MAN1C1: variants seen among roughly 807,000 people sequenced by gnomAD.
MAN1C1 encodes the protein mannosidase alpha class 1C member 1.
Under a neutral mutation model 71.5 loss-of-function variants are expected in MAN1C1, and 49 were observed. That is an observed-to-expected ratio of 0.69 (90% CI 0.54 to 0.87). The LOEUF (loss-of-function observed/expected upper bound fraction) is 0.87, where lower values mean the gene tolerates loss of function less well. Among genes scored for constraint, MAN1C1 ranks in the 40% least tolerant of loss-of-function variants. The pLI, the probability that MAN1C1 is intolerant of heterozygous loss-of-function variation, is 0.00. For synonymous variants in MAN1C1, 352 were observed against 343.7 expected, an observed-to-expected ratio of 1.02 and a Z score of -0.27; for missense variants, 743 against 835.0, an observed-to-expected ratio of 0.89 and a Z score of 1.36.
In MAN1C1 at chr1:25,746,656, C is replaced by T; in HGVS notation, c.638-12C>T. The T allele has an allele frequency of 6.3e-7, 1 of 1,594,862 alleles. No individual in the cohort carries two copies. The highest frequency in any genetic ancestry group is 8.6e-7 in the Non-Finnish European group (1 of 1,162,788). On this transcript the variant is annotated splice_polypyrimidine_tract_variant and intron_variant, in intron 2 of 11. Coordinates refer to ENST00000374332, the MANE Select transcript of MAN1C1 (RefSeq NM_020379.4). The surrounding 1 kb of genome is among the most constrained non-coding windows in gnomAD (Gnocchi z 4.0). ...GGCCCTGGGTCACACCCTCAATGCT[C>T]TGTGCCTGCAGGAGGCCTCAGCGGG...
intron 2 of MAN1C1, among the ~76,000 whole-genome samples, chr1:25,700,503 G>T (rs757058143): frequency 1.3e-5 from 2 of 152,206 alleles, no homozygotes; most frequent in Non-Finnish European, 2.9e-5. Context: ...TGGGAGCAGA[G>T]TTGGGCAGAG....
At chr1:25,723,108 A>G (rs1410124215) in intron 2 of MAN1C1, among the ~76,000 whole-genome samples, 1 of 152,156 alleles carries the variant, frequency 6.6e-6, no homozygotes, top group African/African-American at 2.4e-5. Flanking sequence ...CGGGAAATTA[A>G]TGGACCTTCT....
intron 1 of MAN1C1, among the ~76,000 whole-genome samples, chr1:25,663,430 C>A (rs1445736224): frequency 6.6e-6 from 1 of 151,974 alleles, no homozygotes; most frequent in East Asian, 1.9e-4. Context: ...ACATATGTTG[C>A]CATAAGGTTT....
At chr1:25,731,646 T>C (rs554621644) in intron 2 of MAN1C1, among the ~76,000 whole-genome samples, 4 of 152,314 alleles carry the variant, frequency 2.6e-5, no homozygotes, top group Non-Finnish European at 4.4e-5. Flanking sequence ...TTCCTCCCTC[T>C]CTAACACAGG....
At chr1:25,664,571 C>T (rs2045894661) in intron 1 of MAN1C1, among the ~76,000 whole-genome samples, 1 of 152,164 alleles carries the variant, frequency 6.6e-6, no homozygotes, top group Non-Finnish European at 1.5e-5. Context: ...TTTTACAGCT[C>T]GGCAGCCAAT....
chr1:25,768,353 ACAC>A (rs1466862454), intron 7 of MAN1C1, among the ~76,000 whole-genome samples: 6 of 85,906 alleles, frequency 7.0e-5, no homozygotes, highest in South Asian at 4.3e-4. Flanking sequence ...CACCACACAC[ACAC>A]ATTACATACA....
chr1:25,727,696 C>G (rs556002257), intron 2 of MAN1C1, among the ~76,000 whole-genome samples: 4 of 152,346 alleles, frequency 2.6e-5, no homozygotes, highest in Non-Finnish European at 1.5e-5. Context: ...CCTGTGGGGT[C>G]TCAGCCCCAG....
In MAN1C1 at chr1:25,735,001, G is replaced by C. The variant is rs2046961852; in HGVS notation, c.638-11667G>C. ...ATTGAGACGTGTGGGGACATTGTGTGTTAGAAGAGGGCATGCCAGGTAGAG... is the reference window on the plus strand; with the variant it reads ...ATTGAGACGTGTGGGGACATTGTGTCTTAGAAGAGGGCATGCCAGGTAGAG... On this transcript the variant is annotated intron_variant, in intron 2 of 11. Transcript: ENST00000374332. This position sits in a 1 kb window ranked among gnomAD's most constrained non-coding sequence, Gnocchi z 4.6. Among the ~76,000 whole-genome samples the C allele has an allele frequency of 6.6e-6, 1 of 152,222 alleles. No homozygotes were observed. Among genetic ancestry groups the C allele is most frequent in the South Asian group, 2.1e-4 (1 of 4,832 alleles).
At chr1:25,675,011 G>A (rs2046044720) in intron 1 of MAN1C1, among the ~76,000 whole-genome samples, 2 of 152,148 alleles carry the variant, frequency 1.3e-5, no homozygotes, top group Non-Finnish European at 2.9e-5. Flanking sequence ...GAAGTGGATG[G>A]AGAGATACTT....
intron 2 of MAN1C1, among the ~76,000 whole-genome samples, chr1:25,712,097 G>A (rs1357806417): frequency 6.6e-6 from 1 of 152,160 alleles, no homozygotes; most frequent in East Asian, 1.9e-4. Flanking sequence ...GCAGCTCCAG[G>A]CCCTCAATGT....
At chr1:25,671,900 A>G (rs921918038) in intron 1 of MAN1C1, among the ~76,000 whole-genome samples, 13 of 152,188 alleles carry the variant, frequency 8.5e-5, no homozygotes, top group Non-Finnish European at 1.5e-4. Flanking sequence ...CTCCAGAGAA[A>G]AAGAACCAGT....
At chr1:25,686,646 GTT>G in intron 2 of MAN1C1, 110 bp downstream of exon 2, 1 of 873,540 alleles carries the variant, frequency 1.1e-6, no homozygotes, top group Non-Finnish European at 1.9e-6. Context: ...GGGCTCCACA[GTT>G]CTCCAGATCT....
Position 25,763,856 on chromosome 1 carries a change from G to A in MAN1C1, c.1048-18G>A, listed in dbSNP as rs1213787887. On this transcript the variant is annotated intron_variant, in intron 6 of 11. Coordinates refer to ENST00000374332, the MANE Select transcript of MAN1C1 (RefSeq NM_020379.4). ...CTTCGGAAGCATGAAGGCTCACCTG[G>A]TGTCCGTCTCTCGGCAGGTCAGGAA... is the stretch of plus-strand genomic sequence containing the variant. The A allele has an allele frequency of 3.1e-6, 5 of 1,609,768 alleles. No homozygotes were observed. In the South Asian group the frequency reaches 4.4e-5, roughly 14 times the overall value.
intron 1 of MAN1C1, among the ~76,000 whole-genome samples, chr1:25,663,269 C>T (rs1472771322): frequency 6.6e-6 from 1 of 151,184 alleles, no homozygotes; most frequent in African/African-American, 2.4e-5. Flanking sequence ...CTCTATAGCC[C>T]CAATATCTAG....
chr1:25,782,786 C>T lies in MAN1C1; in HGVS notation c.1766+86C>T. The T allele has an allele frequency of 1.9e-6, 2 of 1,030,074 alleles. No individual in the cohort carries two copies. Among genetic ancestry groups the T allele is most frequent in the Non-Finnish European group, 3.0e-6 (2 of 664,198 alleles). 63.8% of individuals were successfully genotyped at this position (1,030,074 alleles called of 1,614,324 possible). A position where few individuals can be genotyped will look rare whatever the true frequency, so the allele number is the denominator to read the frequency against. ...AGTCCCTCCCCTCCACAGTCAGGTT[C>T]TGTGGTCACAGGACGGGAGCCCAAA... On this transcript the variant is annotated intron_variant, in intron 11 of 11. Coordinates refer to ENST00000374332, the MANE Select transcript of MAN1C1 (RefSeq NM_020379.4). The surrounding 1 kb of genome is among the most constrained non-coding windows in gnomAD (Gnocchi z 4.4).
intron 2 of MAN1C1, among the ~76,000 whole-genome samples, chr1:25,745,019 C>T (rs2047109757): frequency 6.6e-6 from 1 of 152,220 alleles, no homozygotes; most frequent in Non-Finnish European, 1.5e-5. Flanking sequence ...TGATGGGAGG[C>T]GCCACCTCTT....
chr1:25,777,955 G>A, intron 8 of MAN1C1, 150 bp from the exon 9 acceptor site: 4 of 609,070 alleles, frequency 6.6e-6, no homozygotes, highest in Non-Finnish European at 1.1e-5. Flanking sequence ...TTGACCAGCA[G>A]AGATCAATGG....
chr1:25,733,357 A>T (rs963662607), intron 2 of MAN1C1, among the ~76,000 whole-genome samples: 2 of 151,922 alleles, frequency 1.3e-5, no homozygotes, highest in Non-Finnish European at 2.9e-5. Flanking sequence ...CCCCAGGGCC[A>T]TGTGTGATCT....
chr1:25,623,458 G>C (rs1385709772), intron 1 of MAN1C1, among the ~76,000 whole-genome samples: 1 of 151,876 alleles, frequency 6.6e-6, no homozygotes, highest in Non-Finnish European at 1.5e-5. Flanking sequence ...TGGTGGTGGG[G>C]GGGGGTAAGA....
Sources: allele counts gnomAD v4.1 joint callset (sites outside exome capture counted in the v4.1 genomes callset), GRCh38; gene constraint gnomAD v4.1.1; non-coding constraint Gnocchi (gnomAD v3.1); transcripts MANE v1.5; gene names NCBI Gene and HGNC (gene_info 2026-07-23, HGNC 2026-07-21).